The following MYO18A variants were observed in gnomAD, a reference collection of about 807,000 sequenced individuals.
The protein encoded by MYO18A is myosin XVIIIA.
A neutral mutation model predicts 235.8 loss-of-function variants in MYO18A; 78 were observed. That is an observed-to-expected ratio of 0.33 (90% CI 0.28 to 0.40). MYO18A has a LOEUF of 0.40. Ranked by LOEUF, MYO18A falls within the 10% of genes least tolerant of loss-of-function variation. The pLI is 1.00. For missense variants in MYO18A, 2,215 were observed against 2,699.3 expected (o/e 0.82, Z 3.98); for synonymous variants, 977 against 1,077.8 (o/e 0.91, Z 1.83).
In MYO18A at chr17:29,086,460, C is replaced by T. The variant is rs1288890524; in HGVS notation, c.5830G>A (p.Glu1944Lys). The T allele has an allele frequency of 4.4e-6, 7 of 1,606,312 alleles. No individual in the cohort carries two copies. In the Admixed American group the frequency reaches 1.2e-4, roughly 27 times the overall value. Residue 1944 changes from glutamate to lysine, a missense_variant, in exon 39 of 42, where the codon GAG becomes AAG. Coordinates refer to ENST00000527372, the MANE Select transcript of MYO18A (RefSeq NM_078471.4). ...CACCTGTTGATGAGGTCCTCATTCT[C>T]ATCACTCTCCATCTCATCCTCAATG... ...AAIEDEMESDENEDLINSLQD... is the reference protein window; with the variant it reads ...AAIEDEMESDKNEDLINSLQD...
In MYO18A at chr17:29,092,926, C is replaced by T. The variant is rs1360486677; in HGVS notation, c.5002G>A (p.Ala1668Thr). ...TTCAGGTGGTCCAGCATGAGCTGGG[C>T]ATCTGCCAGCAGGGCCTTGGTGCGC... ...LKRTKALLAD[A>T]QLMLDHLKNS... Residue 1668 changes from alanine to threonine, a missense_variant, in exon 33 of 42, where the codon GCC (alanine) becomes ACC (threonine). Coordinates refer to ENST00000527372, the MANE Select transcript of MYO18A (RefSeq NM_078471.4). The T allele has an allele frequency of 1.2e-6, 2 of 1,613,824 alleles. No individual in the cohort carries two copies. The highest frequency in any genetic ancestry group is 2.7e-5 in the African/African-American group (2 of 74,918).
In MYO18A at chr17:29,114,908, T is replaced by C; in HGVS notation, c.2510A>G (p.Glu837Gly). 6.2e-7 allele frequency: 1 copy of C among 1,612,652 alleles called. No homozygotes were observed. Among genetic ancestry groups the C allele is most frequent in the Non-Finnish European group, 8.5e-7 (1 of 1,179,076 alleles). Residue 837 changes from glutamate (E) to glycine (G), a missense_variant and splice_region_variant, in exon 14 of 42, where the codon GAG (glutamate) becomes GGG (glycine). Physicochemically the swap from Glu to Gly is moderately conservative, Grantham distance 98. Transcript: ENST00000527372. Reference protein sequence around the residue: ...TFVQELERYKEENIELAFDDL... With the variant: ...TFVQELERYKGENIELAFDDL... The stretch of plus-strand genomic sequence containing the variant: ...ATGAGGCCCAGGCCCCAGAGCTACC[T>C]CCTTGTATCTTTCCAACTCCTGCAC...
chr17:29,140,094 T>C lies in MYO18A; in HGVS notation c.1000-17841A>G, dbSNP rs1222860695. Among the ~76,000 whole-genome samples, 3 of 152,078 alleles carry C rather than the reference T, an allele frequency of 2.0e-5. No homozygotes were observed. Among genetic ancestry groups the C allele is most frequent in the Non-Finnish European group, 4.4e-5 (3 of 68,004 alleles). On this transcript the variant is annotated intron_variant, in intron 2 of 41. Transcript: ENST00000527372. This position sits in a 1 kb window ranked among gnomAD's most constrained non-coding sequence, Gnocchi z 4.2. Reference sequence around the variant, plus strand: ...GAAGACAGTGCCCCTCCAAAACTCCTGAAGTCATGAGTCAGGCCCAGGATG... The same window carrying C: ...GAAGACAGTGCCCCTCCAAAACTCCCGAAGTCATGAGTCAGGCCCAGGATG...
chr17:29,099,293 A>C (rs2066598027), intron 22 of MYO18A, among the ~76,000 whole-genome samples: 1 of 152,198 alleles, frequency 6.6e-6, no homozygotes, highest in Non-Finnish European at 1.5e-5. Context: ...AATCTTGCTG[A>C]AACACAAGAG....
At chr17:29,165,630 G>T in intron 2 of MYO18A, 1 of 339,082 alleles carries the variant, frequency 2.9e-6, no homozygotes. Flanking sequence ...TGAACCTTTG[G>T]GGACTTGTCC....
rs539685961 is a variant in MYO18A, at chr17:29,111,963, G to GTGCACACA, written c.2599-108_2599-101dup. The GTGCACACA allele has an allele frequency of 3.0e-4, 421 of 1,414,324 alleles. 3 individuals are homozygous for GTGCACACA. The South Asian group carries it at 5.2e-3, about 17-fold the overall frequency. The allele number at this position is 1,414,324 out of a possible 1,614,324, so 87.6% of individuals were successfully genotyped here. On this transcript the variant is annotated intron_variant, in intron 15 of 41. Transcript: ENST00000527372. This position sits in a 1 kb window ranked among gnomAD's most constrained non-coding sequence, Gnocchi z 5.1. ...ACACACCCTACAGAATGCTACACATGTGCACACATGCACACACGCACATGC... is the reference window on the plus strand; with the variant it reads ...ACACACCCTACAGAATGCTACACATGTGCACACATGCACACATGCACACACGCACATGC...
chr17:29,114,974 G>A lies in MYO18A; in HGVS notation c.2444C>T (p.Thr815Ile). ...GAAGAGCCTCTGCAGCCGGTCTTGG[G>A]TGTAGTTGTGGCACAGCTCCTCAAA... ...ASFEELCHNY[T>I]QDRLQRLFHE... The change falls in exon 14 of 42, where the codon ACC (threonine) becomes ATC (isoleucine). Residue 815 changes from threonine (T) to isoleucine (I), a missense_variant. By Grantham distance (89) the Thr-to-Ile change is moderately conservative. Coordinates refer to ENST00000527372, the MANE Select transcript of MYO18A (RefSeq NM_078471.4). 6.2e-7 allele frequency: 1 copy of A among 1,614,040 alleles called. No homozygotes were observed. Among genetic ancestry groups the A allele is most frequent in the Non-Finnish European group, 8.5e-7 (1 of 1,179,900 alleles).
Position 29,074,526 on chromosome 17 carries a change from GTC to G in MYO18A, c.*242_*243del, listed in dbSNP as rs2065930111. On this transcript the variant is annotated 3_prime_UTR_variant, in exon 42 of 42. Coordinates refer to ENST00000527372, the MANE Select transcript of MYO18A (RefSeq NM_078471.4). The surrounding 1 kb of genome is among the most constrained non-coding windows in gnomAD (Gnocchi z 4.4). Reference sequence around the variant, plus strand: ...CGGTGACACAGGGTAGAAGCCAAGAGTCTGGCATTTTGAGACAGAGGAGCAAA... The same window carrying G: ...CGGTGACACAGGGTAGAAGCCAAGAGTGGCATTTTGAGACAGAGGAGCAAA... 1.7e-6 allele frequency: 1 copy of G among 591,602 alleles called. No homozygotes were observed. 36.6% of individuals were successfully genotyped at this position (591,602 alleles called of 1,614,324 possible).
chr17:29,109,770 CAGCCCACGGG>C lies in MYO18A; in HGVS notation c.3331+78_3331+87del, dbSNP rs1289775695. On this transcript the variant is annotated intron_variant, in intron 19 of 41. Coordinates refer to ENST00000527372, the MANE Select transcript of MYO18A (RefSeq NM_078471.4). The surrounding 1 kb of genome is among the most constrained non-coding windows in gnomAD (Gnocchi z 4.1). ...AGGAAAGACAGGAGCAGCCCCACTG[CAGCCCACGGG>C]TCGCAGGTGGGAGGTGGGGCCGGGC... 6.8e-7 allele frequency: 1 copy of C among 1,475,496 alleles called. No homozygotes were observed. The highest frequency in any genetic ancestry group is 9.2e-7 in the Non-Finnish European group (1 of 1,092,312). The allele number at this position is 1,475,496 out of a possible 1,614,324, so 91.4% of individuals were successfully genotyped here.
chr17:29,093,087 A>G lies in MYO18A; in HGVS notation c.4927-86T>C, dbSNP rs1598287926. 3.4e-6 allele frequency: 5 copies of G among 1,491,670 alleles called. No homozygotes were observed. The African/African-American group carries it at 4.2e-5, about 12-fold the overall frequency. The allele number at this position is 1,491,670 out of a possible 1,614,324, so 92.4% of individuals were successfully genotyped here. On this transcript the variant is annotated intron_variant, in intron 32 of 41. Transcript: ENST00000527372. ...CAAGCTCCCTCCTCACCACGTCCTC[A>G]TTATCAGTGTCCCCATAAGGATGCT...
chr17:29,131,338 C>G (rs909330589), intron 2 of MYO18A: 2 of 944,180 alleles, frequency 2.1e-6, no homozygotes, highest in Non-Finnish European at 2.5e-6. Flanking sequence ...CACACATGCC[C>G]GCACACACAC....
intron 1 of MYO18A, among the ~76,000 whole-genome samples, chr17:29,169,424 GCA>G (rs2068351634): frequency 6.6e-6 from 1 of 152,220 alleles, no homozygotes; most frequent in African/African-American, 2.4e-5. Flanking sequence ...GGCCCAAAAG[GCA>G]CACAGCCAGG....
chr17:29,096,660 AT>A, intron 28 of MYO18A, 100 bp downstream of exon 28: 1 of 1,384,044 alleles, frequency 7.2e-7, no homozygotes. Flanking sequence ...CCCTGGACAA[AT>A]TCAGGTCCTT....
At chr17:29,105,344 A>C (rs1346940717) in intron 20 of MYO18A, among the ~76,000 whole-genome samples, 1 of 152,124 alleles carries the variant, frequency 6.6e-6, no homozygotes. Flanking sequence ...AGCACAGTCC[A>C]GGGAGACGAT....
intron 2 of MYO18A, chr17:29,134,002 G>A: frequency 2.4e-6 from 1 of 422,002 alleles, no homozygotes; most frequent in Non-Finnish European, 4.2e-6. Context: ...AACTCAAGAG[G>A]GCATTGGAGT....
chr17:29,115,308 T>A (rs759859864), intron 13 of MYO18A, 43 bp downstream of exon 13: 4 of 1,605,250 alleles, frequency 2.5e-6, no homozygotes, highest in Non-Finnish European at 3.4e-6. Context: ...CTACTCCACC[T>A]CTGCCAAAGC....
At position 29,121,231 on chromosome 17, in the gene MYO18A, G is replaced by A. The variant is rs1357453059; in HGVS notation, c.1372-20C>T. The A allele has an allele frequency of 6.3e-7, 1 of 1,586,162 alleles. No individual in the cohort carries two copies. The highest frequency in any genetic ancestry group is 8.6e-7 in the Non-Finnish European group (1 of 1,165,996). ...CATCACCTTGGGCAGGAGAGCAAGG[G>A]AGAGAAGGGGTTGGCTCTTAGCTGA... is the stretch of plus-strand genomic sequence containing the variant. On this transcript the variant is annotated intron_variant, in intron 5 of 41. Transcript: ENST00000527372. The surrounding 1 kb of genome is among the most constrained non-coding windows in gnomAD (Gnocchi z 4.2).
At chr17:29,169,341 C>T (rs139484041) in intron 1 of MYO18A, among the ~76,000 whole-genome samples, 56 of 152,260 alleles carry the variant, frequency 3.7e-4, no homozygotes, top group Non-Finnish European at 6.9e-4. Flanking sequence ...TGAGCCACCG[C>T]GCCTAGCCTT....
chr17:29,090,856 T>C lies in MYO18A; in HGVS notation c.5258A>G (p.Glu1753Gly). The change falls in exon 35 of 42, where the codon GAA becomes GGA. Residue 1753 changes from glutamate to glycine, a missense_variant. Physicochemically the swap from Glu to Gly is moderately conservative, Grantham distance 98. Transcript: ENST00000527372. ...EIQNRLEEDQ[E>G]DMNELMKKHK... ...CTTCTTCATCAATTCGTTCATGTCTTCCTGATCTTCCTCCAGCCGGTTCTG... is the reference window on the plus strand; with the variant it reads ...CTTCTTCATCAATTCGTTCATGTCTCCCTGATCTTCCTCCAGCCGGTTCTG... The C allele has an allele frequency of 1.2e-6, 2 of 1,614,066 alleles. No individual in the cohort carries two copies. The highest frequency in any genetic ancestry group is 8.5e-7 in the Non-Finnish European group (1 of 1,179,906).
Sources: gnomAD v4.1 joint callset for allele counts (sites outside exome capture counted in the v4.1 genomes callset) on GRCh38, gnomAD v4.1.1 for gene constraint, Gnocchi (gnomAD v3.1) non-coding constraint, MANE v1.5 for transcripts, NCBI Gene and HGNC (gene_info 2026-07-23, HGNC 2026-07-21) for gene names.